LMOD3: variants seen among roughly 807,000 people sequenced by gnomAD.
LMOD3 encodes the protein leiomodin-3.
In LMOD3, 31 loss-of-function variants were observed where a neutral mutation model predicts 41.8. That is an observed-to-expected ratio of 0.74 (90% CI 0.56 to 1.00). LMOD3 has a LOEUF of 1.00. LMOD3 is among the 50% of genes least tolerant of loss of function. The pLI is 0.00. For synonymous variants in LMOD3, 292 were observed against 241.9 expected, an observed-to-expected ratio of 1.21 and a Z score of -1.92; for missense variants, 755 against 679.5, an observed-to-expected ratio of 1.11 and a Z score of -1.23.
At chr3:69,115,357 G>A (rs1459334186) in intron 2 of LMOD3, among the ~76,000 whole-genome samples, 1 of 151,846 alleles carries the variant, frequency 6.6e-6, no homozygotes, top group African/African-American at 2.4e-5. Flanking sequence ...TGTGTGGTGA[G>A]TGCGGTCCCA....
rs1559657307 is a variant in LMOD3, at chr3:69,108,787, T to C, written c.*308A>G. The C allele has an allele frequency of 3.5e-6, 1 of 287,764 alleles. No homozygotes were observed. The highest frequency in any genetic ancestry group is 2.2e-5 in the African/African-American group (1 of 45,602). 17.8% of individuals were successfully genotyped at this position (287,764 alleles called of 1,614,324 possible). A position where few individuals can be genotyped will look rare whatever the true frequency, so the allele number is the denominator to read the frequency against. Reference sequence around the variant, plus strand: ...AGAAAACAATAATAAAGCAAATGTTTAAAAAATTTTCTTTAACTTCTGCTT... The same window carrying C: ...AGAAAACAATAATAAAGCAAATGTTCAAAAAATTTTCTTTAACTTCTGCTT... On this transcript the variant is annotated 3_prime_UTR_variant, in exon 3 of 3. Coordinates refer to ENST00000420581, the MANE Select transcript of LMOD3 (RefSeq NM_198271.5).
chr3:69,120,347 C>T (rs1463174361), intron 1 of LMOD3, among the ~76,000 whole-genome samples: 1 of 151,906 alleles, frequency 6.6e-6, no homozygotes, highest in East Asian at 1.9e-4. Context: ...AATTGTTCAT[C>T]GATACACTGA....
chr3:69,108,187 T>A lies in LMOD3; in HGVS notation c.*908A>T, dbSNP rs1160404718. The A allele has an allele frequency of 6.6e-6, 1 of 152,182 alleles. No individual in the cohort carries two copies. Among genetic ancestry groups the A allele is most frequent in the East Asian group, 1.9e-4 (1 of 5,190 alleles). 9.4% of individuals were successfully genotyped at this position (152,182 alleles called of 1,614,324 possible). A position where few individuals can be genotyped will look rare whatever the true frequency, so the allele number is the denominator to read the frequency against. On this transcript the variant is annotated 3_prime_UTR_variant, in exon 3 of 3. Transcript: ENST00000420581. Reference sequence around the variant, plus strand: ...CTGTAAGCAAGTTTCCTTTAAAATATGTTTGAGAGTGATAAAATCAAATTA... The same window carrying A: ...CTGTAAGCAAGTTTCCTTTAAAATAAGTTTGAGAGTGATAAAATCAAATTA...
rs376653017 is a variant in LMOD3 at position 69,118,713 on chromosome 3, C to T, written c.1642G>A (p.Ala548Thr). 3.8e-5 allele frequency: 61 copies of T among 1,611,790 alleles called. No homozygotes were observed. The highest frequency in any genetic ancestry group is 4.7e-5 in the Non-Finnish European group (56 of 1,179,164). Residue 548 changes from alanine to threonine, a missense_variant, in exon 2 of 3, where the codon GCC becomes ACC. By Grantham distance (58) the Ala-to-Thr change is moderately conservative. Transcript: ENST00000420581. ...CTTCTACTTACAGGTTTAAGATAGG[C>T]GACACTGCTGTGACGAATGTCGTTT... ...LLNDIRHSSVAYLKPVQLPKE... is the reference protein window; with the variant it reads ...LLNDIRHSSVTYLKPVQLPKE...
At chr3:69,118,191 T>C (rs541120175) in intron 2 of LMOD3, among the ~76,000 whole-genome samples, 5 of 152,282 alleles carry the variant, frequency 3.3e-5, no homozygotes, top group East Asian at 1.9e-4. Context: ...GTCAGCTCCA[T>C]TGTGGCTGGA....
At chr3:69,120,102 A>C (rs560837961) in intron 1 of LMOD3, 42 bp from the exon 2 acceptor site, 1 of 1,525,614 alleles carries the variant, frequency 6.6e-7, no homozygotes, top group South Asian at 1.3e-5. Context: ...ATAGCAGAGA[A>C]GAAATATGAA....
chr3:69,118,260 G>C (rs150646386), intron 2 of LMOD3, among the ~76,000 whole-genome samples: 140 of 152,220 alleles, frequency 9.2e-4, no homozygotes, highest in Admixed American at 1.6e-3. Context: ...ATTAAAGCTT[G>C]ACTCTAGACT....
chr3:69,117,290 T>C (rs1230996334), intron 2 of LMOD3, among the ~76,000 whole-genome samples: 1 of 152,146 alleles, frequency 6.6e-6, no homozygotes, highest in African/African-American at 2.4e-5. Context: ...ATTCTAGGAG[T>C]TGGGAATAAG....
At position 69,119,248 on chromosome 3, in the gene LMOD3, A is replaced by G. The variant is rs752210435; in HGVS notation, c.1107T>C (p.Thr369=). The G allele has an allele frequency of 1.2e-6, 2 of 1,613,780 alleles. No individual in the cohort carries two copies. The highest frequency in any genetic ancestry group is 4.5e-5 in the East Asian group (2 of 44,858). The change falls in exon 2 of 3, where the codon ACT becomes ACC. Residue 369 remains threonine, a synonymous_variant. Transcript: ENST00000420581. ...EIARLLKANN[T]LLKMGYHFEL... is the part of the protein sequence containing the mutation. Reference sequence around the variant, plus strand: ...CAAAATGGTAGCCCATCTTCAGGAGAGTGTTGTTTGCCTTCAAAAGCCTGG... The same window carrying G: ...CAAAATGGTAGCCCATCTTCAGGAGGGTGTTGTTTGCCTTCAAAAGCCTGG...
intron 2 of LMOD3, 83 bp from the exon 3 acceptor site, chr3:69,109,204 T>C: frequency 7.8e-7 from 1 of 1,286,796 alleles, no homozygotes; most frequent in South Asian, 1.3e-5. Context: ...AAAATTTACA[T>C]GCCTTAAAAG....
Position 69,119,164 on chromosome 3 carries a change from T to A in LMOD3, c.1191A>T (p.Gln397His). The change falls in exon 2 of 3, where the codon CAA (glutamine) becomes CAT (histidine). Residue 397 changes from glutamine to histidine, a missense_variant. Transcript: ENST00000420581. ...TTTGCTCTTCCTGTCGTTTCTGCCT[T>A]TGTTTATCCTGATTCCTGGTGAGCA... is the stretch of plus-strand genomic sequence containing the variant. Reference protein sequence around the residue: ...TNLLTRNQDKQRQKRQEEQKQ... With the variant: ...TNLLTRNQDKHRQKRQEEQKQ... 6.2e-7 allele frequency: 1 copy of A among 1,613,892 alleles called. No homozygotes were observed. Among genetic ancestry groups the A allele is most frequent in the Non-Finnish European group, 8.5e-7 (1 of 1,179,850 alleles).
intron 2 of LMOD3, among the ~76,000 whole-genome samples, chr3:69,113,404 G>A (rs1450873177): frequency 6.6e-6 from 1 of 152,172 alleles, no homozygotes; most frequent in East Asian, 1.9e-4. Flanking sequence ...TACAAAAGGA[G>A]AGAATCTAGA....
Position 69,122,206 on chromosome 3 carries a change from G to A in LMOD3, c.181C>T (p.Pro61Ser). The change falls in exon 1 of 3, where the codon CCA (proline) becomes TCA (serine). Residue 61 changes from proline (P) to serine (S), a missense_variant. Physicochemically the swap from Pro to Ser is moderately conservative, Grantham distance 74. Coordinates refer to ENST00000420581, the MANE Select transcript of LMOD3 (RefSeq NM_198271.5). Reference protein sequence around the residue: ...GMIQKDQTDKPPTGNFNHKSL... With the variant: ...GMIQKDQTDKSPTGNFNHKSL... ...TTATGATTGAAGTTTCCTGTCGGTG[G>A]CTTGTCAGTTTGATCTTTCTGAATC... is the stretch of plus-strand genomic sequence containing the variant. 6.2e-7 allele frequency: 1 copy of A among 1,613,426 alleles called. No individual in the cohort carries two copies. Among genetic ancestry groups the A allele is most frequent in the Admixed American group, 1.7e-5 (1 of 59,940 alleles).
chr3:69,122,406 T>G lies in LMOD3; in HGVS notation c.-20A>C, dbSNP rs766751168. The G allele has an allele frequency of 2.0e-6, 3 of 1,474,826 alleles. No homozygotes were observed. Among genetic ancestry groups the G allele is most frequent in the Admixed American group, 2.2e-5 (1 of 45,294 alleles). The allele number at this position is 1,474,826 out of a possible 1,614,324, so 91.4% of individuals were successfully genotyped here. A position where few individuals can be genotyped will look rare whatever the true frequency, so the allele number is the denominator to read the frequency against. ...TGACATTATTTTTTCTAAATATTAT[T>G]TTACTAGAAAAGAAGAATAATCAAA... On this transcript the variant is annotated 5_prime_UTR_variant, in exon 1 of 3. Coordinates refer to ENST00000420581, the MANE Select transcript of LMOD3 (RefSeq NM_198271.5).
At chr3:69,112,531 C>G (rs2092354609) in intron 2 of LMOD3, among the ~76,000 whole-genome samples, 1 of 152,198 alleles carries the variant, frequency 6.6e-6, no homozygotes, top group Non-Finnish European at 1.5e-5. Flanking sequence ...CAGAGTACCC[C>G]TAACGTTTTT....
At chr3:69,113,964 A>G (rs950690290) in intron 2 of LMOD3, among the ~76,000 whole-genome samples, 3 of 152,232 alleles carry the variant, frequency 2.0e-5, no homozygotes, top group Non-Finnish European at 4.4e-5. Context: ...TCATTATCCA[A>G]TAAATTCAGT....
At position 69,107,423 on chromosome 3, in the gene LMOD3, C is replaced by CAGGTAAAG. The variant is rs2092327512; in HGVS notation, c.*1664_*1671dup. 1.6e-5 allele frequency: 2 copies of CAGGTAAAG among 122,526 alleles called. No individual in the cohort carries two copies. The highest frequency in any genetic ancestry group is 5.4e-4 in the South Asian group (2 of 3,686). 7.6% of individuals were successfully genotyped at this position (122,526 alleles called of 1,614,324 possible). On this transcript the variant is annotated 3_prime_UTR_variant, in exon 3 of 3. Transcript: ENST00000420581. ...AGAAGGCAGGTGCCAATTATTTACT[C>CAGGTAAAG]AGGTAAAGAAGAGAGAAAAGGCACC...
intron 2 of LMOD3, among the ~76,000 whole-genome samples, chr3:69,114,453 A>G (rs1479022599): frequency 6.6e-6 from 1 of 152,184 alleles, no homozygotes; most frequent in East Asian, 1.9e-4. Flanking sequence ...TTTTTTTGCC[A>G]GCAACTTCAT....
intron 2 of LMOD3, among the ~76,000 whole-genome samples, chr3:69,110,683 A>G (rs1445501204): frequency 6.8e-6 from 1 of 147,402 alleles, no homozygotes; most frequent in East Asian, 2.1e-4. Context: ...TCTTTACTAA[A>G]AATACAAAAA....
Sources: allele counts gnomAD v4.1 joint callset (sites outside exome capture counted in the v4.1 genomes callset), GRCh38; gene constraint gnomAD v4.1.1; transcripts MANE v1.5; gene names NCBI Gene and HGNC (gene_info 2026-07-23, HGNC 2026-07-21).